MSH4: variants seen among roughly 807,000 people sequenced by gnomAD.
MSH4 encodes mutS protein homolog 4.
A neutral mutation model predicts 113.7 loss-of-function variants in MSH4; 106 were observed. That is an observed-to-expected ratio of 0.93 (90% CI 0.80 to 1.10). The LOEUF (loss-of-function observed/expected upper bound fraction) is 1.10. MSH4 is among the 50% of genes least tolerant of loss of function. The pLI is 0.00. For missense variants in MSH4, 1,061 were observed against 1,093.7 expected, an observed-to-expected ratio of 0.97 and a Z score of 0.42; for synonymous variants, 368 against 380.2, an observed-to-expected ratio of 0.97 and a Z score of 0.37.
chr1:75,805,957 G>A (rs1292292537), intron 2 of MSH4, among the ~76,000 whole-genome samples: 2 of 151,962 alleles, frequency 1.3e-5, no homozygotes, highest in Non-Finnish European at 1.5e-5. Flanking sequence ...TTAACAATGT[G>A]TAAGAGTCCA....
intron 1 of MSH4, among the ~76,000 whole-genome samples, chr1:75,798,764 C>A (rs34977392): frequency 0.039 from 5,882 of 151,952 alleles, 137 homozygotes; most frequent in Non-Finnish European, 0.04. Context: ...TCCTACGTTG[C>A]CCAGCCTGGT....
At chr1:75,904,517 C>CTT (rs1652578690) in intron 19 of MSH4, among the ~76,000 whole-genome samples, 2 of 121,770 alleles carry the variant, frequency 1.6e-5, no homozygotes, top group Admixed American at 8.7e-5. Flanking sequence ...TTTTCTTTTT[C>CTT]TTTCTTTTTT....
At chr1:75,898,745 G>T (rs1255268588) in intron 18 of MSH4, among the ~76,000 whole-genome samples, 1 of 151,924 alleles carries the variant, frequency 6.6e-6, no homozygotes, top group Non-Finnish European at 1.5e-5. Context: ...CAGATTCAGA[G>T]AATTTTCAAT....
chr1:75,825,036 T>G (rs1039195054), intron 7 of MSH4, among the ~76,000 whole-genome samples: 1 of 151,758 alleles, frequency 6.6e-6, no homozygotes, highest in Non-Finnish European at 1.5e-5. Context: ...TAACATTGAA[T>G]CTATAAATTA....
intron 8 of MSH4, among the ~76,000 whole-genome samples, chr1:75,849,272 C>T (rs1651138797): frequency 6.6e-6 from 1 of 152,090 alleles, no homozygotes; most frequent in African/African-American, 2.4e-5. Context: ...TGAAACAACA[C>T]ATTTTCTGGA....
intron 7 of MSH4, among the ~76,000 whole-genome samples, chr1:75,837,627 A>T (rs1414393085): frequency 1.3e-5 from 2 of 152,058 alleles, no homozygotes; most frequent in East Asian, 3.9e-4. Flanking sequence ...ACCTCAGGTG[A>T]TCCACCAGCC....
intron 14 of MSH4, 125 bp from the exon 15 acceptor site, chr1:75,883,496 T>A (rs1012314226): frequency 1.4e-6 from 1 of 735,886 alleles, no homozygotes; most frequent in Non-Finnish European, 2.2e-6. Flanking sequence ...ATATAGTACC[T>A]TAATGTTATT....
chr1:75,848,663 T>C (rs1379970022), intron 8 of MSH4, among the ~76,000 whole-genome samples: 1 of 152,004 alleles, frequency 6.6e-6, no homozygotes, highest in Non-Finnish European at 1.5e-5. Flanking sequence ...ACTTAAGCCT[T>C]GGGAGGTCAA....
At chr1:75,857,810 G>A (rs1431512141) in intron 8 of MSH4, among the ~76,000 whole-genome samples, 3 of 152,154 alleles carry the variant, frequency 2.0e-5, no homozygotes, top group Non-Finnish European at 4.4e-5. Context: ...AAGAAAGTCA[G>A]TGGTAGCTTG....
intron 7 of MSH4, among the ~76,000 whole-genome samples, chr1:75,827,983 G>T (rs990611594): frequency 1.3e-5 from 2 of 151,990 alleles, no homozygotes; most frequent in African/African-American, 4.8e-5. Flanking sequence ...TAAGAAAATT[G>T]CCCTGGGCAA....
At chr1:75,799,278 A>AT (rs372684422) in intron 1 of MSH4, among the ~76,000 whole-genome samples, 6,464 of 150,358 alleles carry the variant, frequency 0.043, 198 homozygotes, top group South Asian at 0.076. Flanking sequence ...TGCAGAGTAG[A>AT]TTTTTTTTTT....
chr1:75,876,423 G>A (rs911290244), intron 9 of MSH4, among the ~76,000 whole-genome samples: 3 of 151,972 alleles, frequency 2.0e-5, no homozygotes, highest in Non-Finnish European at 4.4e-5. Context: ...GGAGATAATG[G>A]CCAGGCTAAA....
chr1:75,853,011 G>A (rs917081960), intron 8 of MSH4, among the ~76,000 whole-genome samples: 1 of 152,012 alleles, frequency 6.6e-6, no homozygotes, highest in Non-Finnish European at 1.5e-5. Flanking sequence ...CTGAGCCTGC[G>A]TGACTTTTTG....
intron 9 of MSH4, among the ~76,000 whole-genome samples, chr1:75,867,946 G>A (rs1479820144): frequency 6.6e-6 from 1 of 151,892 alleles, no homozygotes; most frequent in African/African-American, 2.4e-5. Flanking sequence ...TTTTAAAATT[G>A]TTCTAATAAT....
At chr1:75,876,897 A>T in intron 9 of MSH4, 39 bp from the exon 10 acceptor site, 1 of 1,177,506 alleles carries the variant, frequency 8.5e-7, no homozygotes, top group Non-Finnish European at 1.2e-6. Flanking sequence ...TGATCTTGTA[A>T]TTGATTATCC....
intron 10 of MSH4, among the ~76,000 whole-genome samples, chr1:75,877,493 A>G (rs1440342392): frequency 6.6e-6 from 1 of 152,182 alleles, no homozygotes; most frequent in Non-Finnish European, 1.5e-5. Flanking sequence ...TGTGATACTT[A>G]AGAACTATTA....
At chr1:75,806,233 T>C (rs956393507) in intron 2 of MSH4, among the ~76,000 whole-genome samples, 3 of 135,468 alleles carry the variant, frequency 2.2e-5, no homozygotes, top group African/African-American at 5.5e-5. Context: ...CTTTTCTGTT[T>C]GGTTTTTTTT....
intron 8 of MSH4, among the ~76,000 whole-genome samples, chr1:75,855,494 T>C (rs1410858530): frequency 6.6e-6 from 1 of 152,242 alleles, no homozygotes; most frequent in Admixed American, 6.5e-5. Context: ...GAATCCTTTC[T>C]TGCCTCTTCC....
chr1:75,849,137 G>A (rs970789349), intron 8 of MSH4, among the ~76,000 whole-genome samples: 2 of 152,030 alleles, frequency 1.3e-5, no homozygotes, highest in African/African-American at 4.8e-5. Context: ...TCACCATGTT[G>A]GCCAGGCTGA....
Sources: gnomAD v4.1 joint callset for allele counts (sites outside exome capture counted in the v4.1 genomes callset) on GRCh38, gnomAD v4.1.1 for gene constraint, MANE v1.5 for transcripts, NCBI Gene and HGNC (gene_info 2026-07-23, HGNC 2026-07-21) for gene names.